Variants in CPNE4 observed in about 807,000 individuals in gnomAD.
CPNE4 encodes the protein copine 4.
Under a neutral mutation model 67.9 loss-of-function variants are expected in CPNE4, and 25 were observed. The observed-to-expected ratio is 0.37, with a 90% CI of 0.27 to 0.51. The LOEUF (loss-of-function observed/expected upper bound fraction) is 0.51, where lower values mean the gene tolerates loss of function less well. Among genes scored for constraint, CPNE4 ranks in the 20% least tolerant of loss-of-function variants. CPNE4 has a pLI of 0.93. For missense variants in CPNE4, 464 were observed against 690.8 expected (o/e 0.67, Z 3.68); for synonymous variants, 242 against 244.9 (o/e 0.99, Z 0.11).
intron 1 of CPNE4, among the ~76,000 whole-genome samples, chr3:131,981,104 T>C (rs571649361): frequency 6.6e-6 from 1 of 152,252 alleles, no homozygotes; most frequent in South Asian, 2.1e-4. Context: ...TGGTGGGGGA[T>C]GCAATGGACT....
intron 7 of CPNE4, among the ~76,000 whole-genome samples, chr3:131,589,486 G>A (rs916754237): frequency 3.3e-5 from 5 of 152,212 alleles, no homozygotes; most frequent in Admixed American, 6.5e-5. Context: ...GCCCACCCAT[G>A]TTGAGGGTGA....
chr3:131,633,390 G>A (rs1272773898), intron 7 of CPNE4, among the ~76,000 whole-genome samples: 1 of 151,896 alleles, frequency 6.6e-6, no homozygotes, highest in Non-Finnish European at 1.5e-5. Context: ...CAAACACACA[G>A]AAATCTTTAT....
chr3:131,978,208 T>TATAAATATGTA (rs2072747154), intron 1 of CPNE4, among the ~76,000 whole-genome samples: 26 of 48,188 alleles, frequency 5.4e-4, no homozygotes, highest in African/African-American at 4.6e-3. Context: ...TTATTATATA[T>TATAAATATGTA]AATATATATA....
chr3:131,865,488 G>A (rs952380780), intron 2 of CPNE4, among the ~76,000 whole-genome samples: 1 of 152,050 alleles, frequency 6.6e-6, no homozygotes, highest in African/African-American at 2.4e-5. Context: ...CCTTCTCTGT[G>A]AGTTGCAGGT....
At chr3:131,571,192 C>T (rs1433977428) in intron 10 of CPNE4, among the ~76,000 whole-genome samples, 1 of 152,002 alleles carries the variant, frequency 6.6e-6, no homozygotes, top group East Asian at 1.9e-4. Flanking sequence ...CTTTTTCCTC[C>T]TGGGCATCTG....
At chr3:131,843,412 C>T (rs1248691975) in intron 2 of CPNE4, among the ~76,000 whole-genome samples, 1 of 152,272 alleles carries the variant, frequency 6.6e-6, no homozygotes, top group East Asian at 1.9e-4. Flanking sequence ...CTACAGGGTA[C>T]GTTGCTCAAA....
At chr3:131,931,719 C>A (rs1315536622) in intron 1 of CPNE4, among the ~76,000 whole-genome samples, 1 of 152,106 alleles carries the variant, frequency 6.6e-6, no homozygotes, top group African/African-American at 2.4e-5. Context: ...AGCCTAAAGT[C>A]AGTTGGCACA....
intron 1 of CPNE4, among the ~76,000 whole-genome samples, chr3:132,003,373 T>C (rs1248590340): frequency 2.0e-5 from 3 of 152,058 alleles, no homozygotes; most frequent in African/African-American, 7.2e-5. Flanking sequence ...GTAGGTCTAA[T>C]CAGCTTTTCC....
At chr3:131,957,089 T>C (rs187103170) in intron 1 of CPNE4, among the ~76,000 whole-genome samples, 1 of 152,208 alleles carries the variant, frequency 6.6e-6, no homozygotes, top group Non-Finnish European at 1.5e-5. Context: ...CGTGTCCTAC[T>C]TAGGATGAAT....
intron 2 of CPNE4, among the ~76,000 whole-genome samples, chr3:131,774,819 G>A (rs1372407230): frequency 6.6e-6 from 1 of 152,062 alleles, no homozygotes; most frequent in Non-Finnish European, 1.5e-5. Context: ...TGCTTCTCCT[G>A]ATTACAACTA....
chr3:131,604,918 A>T (rs1939411254), intron 7 of CPNE4, among the ~76,000 whole-genome samples: 1 of 152,118 alleles, frequency 6.6e-6, no homozygotes. Flanking sequence ...GTGACGCCTA[A>T]GAAGTACATA....
chr3:131,734,209 C>G (rs1225785593), intron 2 of CPNE4, among the ~76,000 whole-genome samples: 1 of 152,208 alleles, frequency 6.6e-6, no homozygotes, highest in Non-Finnish European at 1.5e-5. Context: ...CCTATGCCCA[C>G]TTCTCTTTCC....
intron 1 of CPNE4, among the ~76,000 whole-genome samples, chr3:131,992,208 A>G (rs1037781420): frequency 1.5e-5 from 2 of 136,052 alleles, no homozygotes; most frequent in Admixed American, 8.2e-5. Context: ...AGCTTTTACC[A>G]TGCAGCTGGA....
At chr3:131,730,642 T>G (rs1332903019) in intron 2 of CPNE4, among the ~76,000 whole-genome samples, 1 of 152,190 alleles carries the variant, frequency 6.6e-6, no homozygotes, top group African/African-American at 2.4e-5. Flanking sequence ...ATGGGAAATT[T>G]TGACACAGAC....
chr3:131,588,716 CTCAT>C (rs1448692418), intron 7 of CPNE4, among the ~76,000 whole-genome samples: 1 of 152,112 alleles, frequency 6.6e-6, no homozygotes, highest in Non-Finnish European at 1.5e-5. Flanking sequence ...TGCATCAACA[CTCAT>C]TCAGTTACTA....
intron 7 of CPNE4, among the ~76,000 whole-genome samples, chr3:131,592,171 C>T (rs1405025161): frequency 1.3e-5 from 2 of 152,152 alleles, no homozygotes; most frequent in Admixed American, 1.3e-4. Flanking sequence ...CACACAAACA[C>T]AAATTATAAT....
At chr3:131,618,590 A>G (rs1940293234) in intron 7 of CPNE4, among the ~76,000 whole-genome samples, 1 of 152,186 alleles carries the variant, frequency 6.6e-6, no homozygotes, top group Non-Finnish European at 1.5e-5. Flanking sequence ...TATTTATGGA[A>G]AGAAAGTACA....
chr3:131,627,117 C>T (rs559635786), intron 7 of CPNE4, among the ~76,000 whole-genome samples: 3 of 144,994 alleles, frequency 2.1e-5, no homozygotes, highest in South Asian at 4.4e-4. Context: ...TGCTTGAACC[C>T]GGGAGGCAGA....
upstream of CPNE4, among the ~76,000 whole-genome samples, chr3:132,039,071 A>T (rs998072543): frequency 7.9e-5 from 12 of 152,258 alleles, no homozygotes; most frequent in Admixed American, 2.0e-4. Context: ...TTTAAATGCT[A>T]AACAGTCATA....
Sources: allele counts gnomAD v4.1 joint callset (sites outside exome capture counted in the v4.1 genomes callset), GRCh38; gene constraint gnomAD v4.1.1; transcripts MANE v1.5; gene names NCBI Gene and HGNC (gene_info 2026-07-23, HGNC 2026-07-21).